The following SYCP1 variants were observed in gnomAD, a reference collection of about 807,000 sequenced individuals.
SYCP1 encodes the protein cancer/testis antigen 8.
In SYCP1, 64 loss-of-function variants were observed where a neutral mutation model predicts 153.1. The ratio of observed to expected loss-of-function variants is 0.42; its 90% CI spans 0.34 to 0.51. SYCP1 has a LOEUF of 0.51. SYCP1 is among the 20% of genes least tolerant of loss of function. The pLI is 0.06. For missense variants in SYCP1, 997 were observed against 1,049.0 expected (o/e 0.95, Z 0.68); for synonymous variants, 384 against 341.8 (o/e 1.12, Z -1.36).
At chr1:114,897,891 A>C (rs1553190936) in intron 16 of SYCP1, among the ~76,000 whole-genome samples, 1 of 152,186 alleles carries the variant, frequency 6.6e-6, no homozygotes, top group Non-Finnish European at 1.5e-5. Context: ...TTGGTGTTTT[A>C]GTGGCTTTCA....
At chr1:114,929,082 T>C (rs1013605695) in intron 23 of SYCP1, among the ~76,000 whole-genome samples, 48 of 152,254 alleles carry the variant, frequency 3.2e-4, no homozygotes, top group African/African-American at 1.1e-3. Context: ...GTGACACTAA[T>C]CCCATTAATG....
intron 27 of SYCP1, among the ~76,000 whole-genome samples, chr1:114,953,183 A>C (rs1671217267): frequency 6.6e-6 from 1 of 152,218 alleles, no homozygotes; most frequent in South Asian, 2.1e-4. Context: ...TGACAACCAA[A>C]TTTCAACATG....
At chr1:114,955,811 C>T (rs1022552993) in intron 27 of SYCP1, among the ~76,000 whole-genome samples, 6 of 152,156 alleles carry the variant, frequency 3.9e-5, no homozygotes, top group Admixed American at 3.9e-4. Context: ...TTACAGGTGG[C>T]TGACCTACTG....
chr1:114,888,067 A>G (rs1319211936), intron 15 of SYCP1, among the ~76,000 whole-genome samples: 4 of 152,168 alleles, frequency 2.6e-5, no homozygotes, highest in Non-Finnish European at 5.9e-5. Context: ...TTGCTTTGTC[A>G]TGTTACATTA....
intron 2 of SYCP1, among the ~76,000 whole-genome samples, chr1:114,855,807 ATT>A (rs1232490744): frequency 1.3e-5 from 2 of 152,190 alleles, no homozygotes; most frequent in African/African-American, 4.8e-5. Flanking sequence ...GAACGTGCTT[ATT>A]TTAATTCTCC....
intron 16 of SYCP1, among the ~76,000 whole-genome samples, chr1:114,909,284 A>G (rs1218485509): frequency 6.6e-6 from 1 of 151,204 alleles, no homozygotes; most frequent in African/African-American, 2.5e-5. Flanking sequence ...TGGGGTTTCT[A>G]TTGTAGTTTT....
intron 29 of SYCP1, among the ~76,000 whole-genome samples, chr1:114,982,999 TG>T (rs1341842566): frequency 1.3e-5 from 2 of 152,088 alleles, no homozygotes; most frequent in Non-Finnish European, 2.9e-5. Context: ...AGCTAATGTT[TG>T]GACACAAATT....
chr1:114,966,794 C>T (rs979077752), intron 27 of SYCP1, among the ~76,000 whole-genome samples: 2 of 151,838 alleles, frequency 1.3e-5, no homozygotes, highest in East Asian at 1.9e-4. Flanking sequence ...AAGCGATTCT[C>T]CTGTCTCAGC....
intron 1 of SYCP1, 97 bp from the exon 2 acceptor site, chr1:114,855,343 AT>A (rs2101234034): frequency 1.7e-6 from 1 of 583,384 alleles, no homozygotes; most frequent in East Asian, 3.3e-5. Flanking sequence ...TTTTTTAGCC[AT>A]TTAGTTTGTA....
At chr1:114,970,448 T>C (rs1672406633) in intron 27 of SYCP1, among the ~76,000 whole-genome samples, 1 of 152,194 alleles carries the variant, frequency 6.6e-6, no homozygotes, top group Non-Finnish European at 1.5e-5. Flanking sequence ...GATCCATTGC[T>C]GGTGAGCTAG....
intron 16 of SYCP1, among the ~76,000 whole-genome samples, chr1:114,906,879 G>A (rs1275544372): frequency 6.6e-6 from 1 of 152,100 alleles, no homozygotes; most frequent in Non-Finnish European, 1.5e-5. Context: ...ACAAATATAT[G>A]TTTTTAATTG....
chr1:114,857,081 A>G, intron 3 of SYCP1, 151 bp from the exon 4 acceptor site: 1 of 571,616 alleles, frequency 1.7e-6, no homozygotes, highest in Non-Finnish European at 2.8e-6. Flanking sequence ...GCAGTGAGCC[A>G]TGATGGGTCA....
At chr1:114,968,569 C>T (rs571309766) in intron 27 of SYCP1, among the ~76,000 whole-genome samples, 273 of 152,286 alleles carry the variant, frequency 1.8e-3, no homozygotes, top group Admixed American at 3.0e-3. Context: ...CTAGTTAGCA[C>T]TTCCTGTAAC....
intron 16 of SYCP1, among the ~76,000 whole-genome samples, chr1:114,907,231 G>A (rs985060516): frequency 6.6e-6 from 1 of 152,098 alleles, no homozygotes; most frequent in African/African-American, 2.4e-5. Flanking sequence ...TATGTAGCCT[G>A]CATATAATTG....
At chr1:114,875,723 G>A (rs1366557030) in intron 9 of SYCP1, among the ~76,000 whole-genome samples, 1 of 152,284 alleles carries the variant, frequency 6.6e-6, no homozygotes. Flanking sequence ...TTCATGGGGA[G>A]AGGCCTCACA....
rs1484077434 is a variant in SYCP1, at chr1:114,858,578, A to G, written c.323A>G (p.Lys108Arg). The G allele has an allele frequency of 6.2e-7, 1 of 1,609,274 alleles. No individual in the cohort carries two copies. The highest frequency in any genetic ancestry group is 1.7e-5 in the Admixed American group (1 of 59,472). Residue 108 changes from lysine (K) to arginine (R), a missense_variant, in exon 6 of 32, where the codon AAA becomes AGA. Coordinates refer to ENST00000369522, the MANE Select transcript of SYCP1 (RefSeq NM_003176.4). ...NSEGLSRVYSKLYKEAEKIKK... is the reference protein window; with the variant it reads ...NSEGLSRVYSRLYKEAEKIKK... ...GAGGGATTGAGCAGAGTGTATTCAA[A>G]ACTGTATAAGGAGGCTGAAAAGATA... is the stretch of plus-strand genomic sequence containing the variant.
chr1:114,907,371 G>A (rs1358247891), intron 16 of SYCP1, among the ~76,000 whole-genome samples: 2 of 151,986 alleles, frequency 1.3e-5, no homozygotes, highest in African/African-American at 2.4e-5. Context: ...GTTGTTTTCC[G>A]TTTGCTCCTT....
In SYCP1 at chr1:114,857,136, CAAAA is replaced by C. The variant is rs71582509; in HGVS notation, c.194-78_194-75del. 1,752 of 243,836 alleles carry C rather than the reference CAAAA, an allele frequency of 7.2e-3. 1 individual carries two copies. The highest frequency in any genetic ancestry group is 0.011 in the South Asian group (210 of 19,134). 15.1% of individuals were successfully genotyped at this position (243,836 alleles called of 1,614,324 possible). A position where few individuals can be genotyped will look rare whatever the true frequency, so the allele number is the denominator to read the frequency against. The stretch of plus-strand genomic sequence containing the variant: ...ATAGTGCCAGATGTCCTCTCTCTCT[CAAAA>C]AAAAAAAAAAAAAAAAAGAGAAAAA... On this transcript the variant is annotated intron_variant, in intron 3 of 31. Transcript: ENST00000369522.
chr1:114,970,117 AT>A (rs1672386053), intron 27 of SYCP1, among the ~76,000 whole-genome samples: 1 of 151,400 alleles, frequency 6.6e-6, no homozygotes, highest in African/African-American at 2.4e-5. Context: ...CTGTCCCCAT[AT>A]TTTCTTTGTC....
Sources: allele counts gnomAD v4.1 joint callset (sites outside exome capture counted in the v4.1 genomes callset), GRCh38; gene constraint gnomAD v4.1.1; transcripts MANE v1.5; gene names NCBI Gene and HGNC (gene_info 2026-07-23, HGNC 2026-07-21).